Variants in DAB1 observed in about 807,000 individuals in gnomAD.
DAB1 encodes the protein disabled homolog 1.
Under a neutral mutation model 64.6 loss-of-function variants are expected in DAB1, and 15 were observed. That is an observed-to-expected ratio of 0.23 (90% CI 0.16 to 0.36). The LOEUF is 0.36. Ranked by LOEUF, DAB1 falls within the 10% of genes least tolerant of loss-of-function variation. The pLI is 1.00. For synonymous variants in DAB1, 235 were observed against 251.9 expected (o/e 0.93, Z 0.64); for missense variants, 596 against 706.7 (o/e 0.84, Z 1.78).
chr1:58,308,644 A>G (rs1003529935), intron 4 of DAB1, among the ~76,000 whole-genome samples: 1 of 152,152 alleles, frequency 6.6e-6, no homozygotes, highest in African/African-American at 2.4e-5. Context: ...CATTTAGATA[A>G]CCAGGCTTTA....
chr1:57,740,046 CAAAA>C (rs34382329), intron 6 of DAB1, among the ~76,000 whole-genome samples: 2 of 103,134 alleles, frequency 1.9e-5, no homozygotes, highest in African/African-American at 3.8e-5. Flanking sequence ...ACTACTACTA[CAAAA>C]AAAAAAAAAA....
intron 1 of DAB1, among the ~76,000 whole-genome samples, chr1:57,336,703 A>G (rs976942664): frequency 2.0e-5 from 3 of 152,188 alleles, no homozygotes; most frequent in Admixed American, 2.0e-4. Flanking sequence ...TAACCATAAC[A>G]TTATTCTGCC....
intron 7 of DAB1, among the ~76,000 whole-genome samples, chr1:57,648,294 A>G (rs7554139): frequency 0.32 from 49,029 of 151,982 alleles, 8,458 homozygotes; most frequent in African/African-American, 0.43. Context: ...GTGGGGCAGA[A>G]GGAGGAGGCG....
intron 3 of DAB1, among the ~76,000 whole-genome samples, chr1:58,358,764 G>A (rs575276725): frequency 1.1e-3 from 167 of 152,144 alleles, no homozygotes; most frequent in African/African-American, 3.4e-3. Flanking sequence ...GATCCCCTTT[G>A]GATATGATTT....
At chr1:57,317,219 G>A (rs945823591) in intron 1 of DAB1, among the ~76,000 whole-genome samples, 3 of 152,086 alleles carry the variant, frequency 2.0e-5, no homozygotes, top group African/African-American at 4.8e-5. Context: ...GTCCACCAAC[G>A]GCCCCTTGAG....
At chr1:57,279,193 T>G (rs900755619) in intron 2 of DAB1, among the ~76,000 whole-genome samples, 1 of 152,206 alleles carries the variant, frequency 6.6e-6, no homozygotes, top group African/African-American at 2.4e-5. Context: ...GGGGATTAGC[T>G]CCAGGATCTC....
intron 7 of DAB1, among the ~76,000 whole-genome samples, chr1:57,554,496 ATAT>A (rs1252274779): frequency 7.3e-5 from 11 of 151,692 alleles, no homozygotes; most frequent in African/African-American, 2.4e-4. Context: ...TTTGTCATGG[ATAT>A]TATTATACAG....
chr1:58,483,380 A>G (rs1645522359), intron 3 of DAB1, among the ~76,000 whole-genome samples: 1 of 152,168 alleles, frequency 6.6e-6, no homozygotes, highest in Admixed American at 6.5e-5. Context: ...TTGTAGTCAG[A>G]TGCGAGCCAG....
intron 4 of DAB1, among the ~76,000 whole-genome samples, chr1:58,218,219 A>C (rs1658958892): frequency 6.6e-6 from 1 of 152,108 alleles, no homozygotes; most frequent in Non-Finnish European, 1.5e-5. Context: ...ATATTCATGC[A>C]CTCAAGAGAA....
rs544208034 is a variant in DAB1, at chr1:58,422,793, G to A, written n.258-79390C>T. 6.0e-5 allele frequency among the ~76,000 whole-genome samples: 9 copies of A among 149,910 alleles called. No individual in the cohort carries two copies. The East Asian group carries it at 1.7e-3, about 29-fold the overall frequency. ...ATGATGCTGTTTGGTGGACAGTGGA[G>A]CCTCTGCTAATGCTACTGCAAAAAA... On this transcript the variant is annotated intron_variant and non_coding_transcript_variant, in intron 3 of 20. Coordinates refer to the DAB1 transcript ENST00000485760.
chr1:57,616,389 G>A (rs547881576), intron 7 of DAB1, among the ~76,000 whole-genome samples: 3 of 146,196 alleles, frequency 2.1e-5, no homozygotes, highest in Non-Finnish European at 3.1e-5. Flanking sequence ...TTCGTTTCCT[G>A]CATATTGAAT....
intron 3 of DAB1, among the ~76,000 whole-genome samples, chr1:58,421,459 GA>G (rs1221182818): frequency 2.6e-5 from 4 of 151,912 alleles, no homozygotes; most frequent in Non-Finnish European, 5.9e-5. Flanking sequence ...TGGACTGGCA[GA>G]AAAAAAAGTT....
chr1:57,413,263 A>G (rs1160834303), intron 1 of DAB1, among the ~76,000 whole-genome samples: 2 of 152,242 alleles, frequency 1.3e-5, no homozygotes, highest in African/African-American at 4.8e-5. Flanking sequence ...AAGACATACA[A>G]GGAAATTAAT....
chr1:58,183,867 T>C (rs1023536886), intron 4 of DAB1, among the ~76,000 whole-genome samples: 1 of 152,006 alleles, frequency 6.6e-6, no homozygotes, highest in Non-Finnish European at 1.5e-5. Context: ...CTTTTCATTT[T>C]TAAGCCTGTT....
intron 7 of DAB1, among the ~76,000 whole-genome samples, chr1:57,070,231 C>A (rs926608890): frequency 6.6e-6 from 1 of 152,246 alleles, no homozygotes; most frequent in Non-Finnish European, 1.5e-5. Flanking sequence ...CACACACATG[C>A]ACACACAAAG....
intron 4 of DAB1, among the ~76,000 whole-genome samples, chr1:58,302,014 C>T (rs1250599315): frequency 6.6e-6 from 1 of 152,064 alleles, no homozygotes; most frequent in African/African-American, 2.4e-5. Flanking sequence ...GAAGTCTGGC[C>T]TCCTCATTTT....
intron 3 of DAB1, among the ~76,000 whole-genome samples, chr1:58,431,384 C>A (rs1388795395): frequency 6.6e-6 from 1 of 151,770 alleles, no homozygotes; most frequent in Admixed American, 6.6e-5. Context: ...ATGGTGAAAC[C>A]CCATCTCTAT....
At chr1:57,038,773 T>C (rs1258200793) in intron 9 of DAB1, among the ~76,000 whole-genome samples, 2 of 152,216 alleles carry the variant, frequency 1.3e-5, no homozygotes, top group African/African-American at 4.8e-5. Flanking sequence ...ATCCAGATTC[T>C]TACAAATTAA....
chr1:58,371,105 G>T (rs1425259042), intron 3 of DAB1, among the ~76,000 whole-genome samples: 1 of 152,216 alleles, frequency 6.6e-6, no homozygotes, highest in Non-Finnish European at 1.5e-5. Context: ...GAAGATGAGG[G>T]AAAGTTTGGA....
Sources: gnomAD v4.1 joint callset for allele counts (sites outside exome capture counted in the v4.1 genomes callset) on GRCh38, gnomAD v4.1.1 for gene constraint, MANE v1.5 for transcripts, NCBI Gene and HGNC (gene_info 2026-07-23, HGNC 2026-07-21) for gene names.